UCP2: variants seen among roughly 807,000 people sequenced by gnomAD.
The protein encoded by UCP2 is uncoupling protein 2.
A neutral mutation model predicts 31.3 loss-of-function variants in UCP2; 27 were observed. That is an observed-to-expected ratio of 0.86 (90% CI 0.64 to 1.19). UCP2 has a LOEUF of 1.19. Among genes scored for constraint, UCP2 ranks in the 50% most tolerant of loss-of-function variants. UCP2 has a pLI of 0.00. For synonymous variants in UCP2, 142 were observed against 157.4 expected (o/e 0.90, Z 0.73); for missense variants, 377 against 413.5 (o/e 0.91, Z 0.76).
chr11:73,977,020 GTGGGCGAGC>G lies in UCP2; in HGVS notation c.338-12_338-4del. ...GAGGCGGCTCCCAATGCTGGCATCT[GTGGGCGAGC>G]CATGGGGTCAGTGGCCAGCGGGCTT... On this transcript the variant is annotated splice_region_variant and splice_polypyrimidine_tract_variant and intron_variant, in intron 4 of 7. Transcript: ENST00000663595. 1.4e-5 allele frequency: 22 copies of G among 1,597,162 alleles called. No individual in the cohort carries two copies. Among genetic ancestry groups the G allele is most frequent in the Non-Finnish European group, 1.8e-5 (21 of 1,169,280 alleles).
rs150573868 is a variant in UCP2 at position 73,975,123 on chromosome 11, T to G, written c.816-2A>C. 1 of 1,609,970 alleles carries G rather than the reference T, an allele frequency of 6.2e-7. No homozygotes were observed. On this transcript the variant is annotated splice_acceptor_variant, in intron 7 of 7. Transcript: ENST00000663595. LOFTEE classifies it high-confidence loss of function. ...AAGCGGAGAAAGGAGGGCATGAACC[T>G]AGAGGAGAAAAATCACAGGTCATGG...
rs922541296 is a variant in UCP2 at position 73,974,852 on chromosome 11, G to C, written c.*155C>G. The C allele has an allele frequency of 4.1e-6, 3 of 733,904 alleles. No individual in the cohort carries two copies. Among genetic ancestry groups the C allele is most frequent in the Non-Finnish European group, 7.3e-6 (3 of 410,634 alleles). The allele number at this position is 733,904 out of a possible 1,614,324, so 45.5% of individuals were successfully genotyped here. On this transcript the variant is annotated 3_prime_UTR_variant, in exon 8 of 8. Transcript: ENST00000663595. Reference sequence around the variant, plus strand: ...GAGACAATGAGTAGATGAGAATGTAGAAAGAGGGAAGGTGGTAGGTAAAGG... The same window carrying C: ...GAGACAATGAGTAGATGAGAATGTACAAAGAGGGAAGGTGGTAGGTAAAGG...
At position 73,975,391 on chromosome 11, in the gene UCP2, C is replaced by CTG. The variant is rs45558933; in HGVS notation, c.815+99_815+100insCA. The CTG allele has an allele frequency of 3.5e-3, 4,795 of 1,381,310 alleles. 130 individuals are homozygous for CTG. The African/African-American group carries it at 0.06, about 17-fold the overall frequency. The allele number at this position is 1,381,310 out of a possible 1,614,324, so 85.6% of individuals were successfully genotyped here. On this transcript the variant is annotated intron_variant, in intron 7 of 7. Transcript: ENST00000663595. ...TGCCAGGACCAGGATCAGAAATAGT[C>CTG]ACACTTGGCTGCTACTCACTTCCAG...
chr11:73,975,609 A>T lies in UCP2; in HGVS notation c.697T>A (p.Ser233Thr), dbSNP rs1292788707. Residue 233 changes from serine (S) to threonine (T), a missense_variant, in exon 7 of 8, where the codon TCC becomes ACC. By Grantham distance (58) the Ser-to-Thr change is moderately conservative (BLOSUM62 1). Coordinates refer to ENST00000663595, the MANE Select transcript of UCP2 (RefSeq NM_003355.3). Reference protein sequence around the residue: ...GAGFCTTVIASPVDVVKTRYM... With the variant: ...GAGFCTTVIATPVDVVKTRYM... ...CTCGTCTTGACCACGTCTACAGGGG[A>T]GGCGATGACAGTGGTGCAGAAGCCT... The T allele has an allele frequency of 2.5e-6, 4 of 1,614,058 alleles. No homozygotes were observed. The highest frequency in any genetic ancestry group is 3.4e-6 in the Non-Finnish European group (4 of 1,180,040).
chr11:73,981,222 G>A (rs1281106284), intron 2 of UCP2: 2 of 152,156 alleles, frequency 1.3e-5, no homozygotes, highest in Non-Finnish European at 2.9e-5. Context: ...ATGACTTGGG[G>A]CCAATCACTG....
At position 73,974,850 on chromosome 11, in the gene UCP2, T is replaced by TCG; in HGVS notation, c.*156_*157insCG. 4.5e-6 allele frequency: 2 copies of TCG among 442,962 alleles called. No homozygotes were observed. Among genetic ancestry groups the TCG allele is most frequent in the African/African-American group, 2.7e-5 (1 of 36,936 alleles). 27.4% of individuals were successfully genotyped at this position (442,962 alleles called of 1,614,324 possible). On this transcript the variant is annotated 3_prime_UTR_variant, in exon 8 of 8. Transcript: ENST00000663595. ...CTGAGACAATGAGTAGATGAGAATG[T>TCG]AGAAAGAGGGAAGGTGGTAGGTAAA...
intron 1 of UCP2, among the ~76,000 whole-genome samples, chr11:73,982,351 C>A (rs1951473040): frequency 6.6e-6 from 1 of 152,232 alleles, no homozygotes; most frequent in African/African-American, 2.4e-5. Flanking sequence ...CTTTGTGAGG[C>A]CGAGGCGGGC....
chr11:73,974,782 G>A lies in UCP2; in HGVS notation c.*225C>T, dbSNP rs1282590389. ...GGACGGGACGCTTGGGATCCTGGCT[G>A]GTACGAGGCCTCCCACACTGTCAAA... On this transcript the variant is annotated 3_prime_UTR_variant, in exon 8 of 8. Transcript: ENST00000663595. 5.2e-6 allele frequency: 3 copies of A among 581,640 alleles called. No individual in the cohort carries two copies. Among genetic ancestry groups the A allele is most frequent in the African/African-American group, 3.7e-5 (2 of 53,400 alleles). 36.0% of individuals were successfully genotyped at this position (581,640 alleles called of 1,614,324 possible).
At chr11:73,978,586 C>T (rs1951401756) in intron 2 of UCP2, 109 bp from the exon 3 acceptor site, 1 of 673,064 alleles carries the variant, frequency 1.5e-6, no homozygotes, top group Admixed American at 2.6e-5. Context: ...CAGCAAGACT[C>T]CAAGTGGCCT....
Position 73,978,310 on chromosome 11 carries a change from A to C in UCP2, c.69T>G (p.Ala23=). 6.2e-7 allele frequency: 1 copy of C among 1,614,242 alleles called. No homozygotes were observed. Among genetic ancestry groups the C allele is most frequent in the Non-Finnish European group, 8.5e-7 (1 of 1,180,032 alleles). Residue 23 remains alanine (A), a synonymous_variant, in exon 3 of 8, where the codon GCT becomes GCG. Coordinates refer to ENST00000663595, the MANE Select transcript of UCP2 (RefSeq NM_003355.3). ...AGGTGATGAGATCTGCGATGCAGGC[A>C]GCTGTGCCAGCCCCAAGAAACTTCA... The part of the protein sequence containing the change: ...ATVKFLGAGT[A]ACIADLITFP...
chr11:73,975,802 C>T, intron 6 of UCP2, 131 bp from the exon 7 acceptor site: 1 of 1,170,580 alleles, frequency 8.5e-7, no homozygotes, highest in South Asian at 1.3e-5. Flanking sequence ...TGTCTCATGC[C>T]TGTAATCCAG....
chr11:73,980,862 T>G (rs1046877135), intron 2 of UCP2: 2 of 152,124 alleles, frequency 1.3e-5, no homozygotes, highest in Non-Finnish European at 2.9e-5. Flanking sequence ...ATGACATGAG[T>G]CTGTCACATT....
chr11:73,978,393 G>A lies in UCP2; in HGVS notation c.-15C>T. Reference sequence around the variant, plus strand: ...AACCCAACCATGATGCTGATTTCCTGCTACGTCCCAGGAGATGGAGAAAAA... The same window carrying A: ...AACCCAACCATGATGCTGATTTCCTACTACGTCCCAGGAGATGGAGAAAAA... On this transcript the variant is annotated 5_prime_UTR_variant, in exon 3 of 8. Transcript: ENST00000663595. The A allele has an allele frequency of 3.1e-6, 5 of 1,614,126 alleles. No individual in the cohort carries two copies. Among genetic ancestry groups the A allele is most frequent in the Non-Finnish European group, 4.2e-6 (5 of 1,180,032 alleles).
intron 2 of UCP2, 160 bp from the exon 3 acceptor site, chr11:73,978,637 A>G (rs1192442804): frequency 2.1e-6 from 1 of 487,654 alleles, no homozygotes; most frequent in African/African-American, 2.0e-5. Flanking sequence ...GCACTCAGTT[A>G]GGTGCTGGTG....
chr11:73,976,219 G>A (rs1463576935), intron 6 of UCP2, among the ~76,000 whole-genome samples: 1 of 152,106 alleles, frequency 6.6e-6, no homozygotes, highest in Non-Finnish European at 1.5e-5. Context: ...ACAAAAATTA[G>A]CCAGTGTGCT....
chr11:73,980,418 C>T (rs1422668245), intron 2 of UCP2, among the ~76,000 whole-genome samples: 1 of 152,166 alleles, frequency 6.6e-6, no homozygotes, highest in Non-Finnish European at 1.5e-5. Context: ...TAGAACAGGG[C>T]CTGACCTTAT....
chr11:73,977,499 G>C (rs1951372990), intron 4 of UCP2, among the ~76,000 whole-genome samples: 1 of 152,180 alleles, frequency 6.6e-6, no homozygotes, highest in Admixed American at 6.5e-5. Flanking sequence ...GGCATACTAA[G>C]GAGGTGAAAG....
At chr11:73,981,042 A>G (rs1951444825) in intron 2 of UCP2, 3 of 152,232 alleles carry the variant, frequency 2.0e-5, no homozygotes, top group Non-Finnish European at 2.9e-5. Context: ...ACTAACAGCA[A>G]TTAAAATGCA....
In UCP2 at chr11:73,974,892, G is replaced by C. The variant is rs893885890; in HGVS notation, c.*115C>G. 9.9e-6 allele frequency: 9 copies of C among 905,952 alleles called. No homozygotes were observed. The African/African-American group carries it at 1.5e-4, about 15-fold the overall frequency. 56.1% of individuals were successfully genotyped at this position (905,952 alleles called of 1,614,324 possible). A position where few individuals can be genotyped will look rare whatever the true frequency, so the allele number is the denominator to read the frequency against. ...GTAGGTAAAGGAGCGGAAGGAAGAG[G>C]TGGGGAAAGAGGGAAGGAGAGAAGG... On this transcript the variant is annotated 3_prime_UTR_variant, in exon 8 of 8. Transcript: ENST00000663595.
Sources: allele counts gnomAD v4.1 joint callset (sites outside exome capture counted in the v4.1 genomes callset), GRCh38; gene constraint gnomAD v4.1.1; transcripts MANE v1.5; gene names NCBI Gene and HGNC (gene_info 2026-07-23, HGNC 2026-07-21).